The following UCK2 variants were observed in gnomAD, a reference collection of about 807,000 sequenced individuals.
UCK2 encodes the protein uridine-cytidine kinase 2.
In UCK2, 6 loss-of-function variants were observed where a neutral mutation model predicts 30.8. The ratio of observed to expected loss-of-function variants is 0.19; its 90% CI spans 0.11 to 0.38. The LOEUF is 0.38. Ranked by LOEUF, UCK2 falls within the 10% of genes least tolerant of loss-of-function variation. The pLI is 1.00. For missense variants in UCK2, 210 were observed against 339.8 expected, an observed-to-expected ratio of 0.62 and a Z score of 3.00; for synonymous variants, 125 against 133.6, an observed-to-expected ratio of 0.94 and a Z score of 0.45.
chr1:165,836,335 T>C (rs1005827570), intron 1 of UCK2, among the ~76,000 whole-genome samples: 8 of 152,214 alleles, frequency 5.3e-5, no homozygotes, highest in African/African-American at 1.9e-4. Context: ...TATTTGATGA[T>C]TCTGTGGATA....
At chr1:165,854,688 G>A (rs1402540231) in intron 1 of UCK2, among the ~76,000 whole-genome samples, 2 of 152,144 alleles carry the variant, frequency 1.3e-5, no homozygotes, top group Admixed American at 6.5e-5. Flanking sequence ...AAAAAAATCT[G>A]TATTTGACTT....
At chr1:165,857,277 T>C (rs984780749) in intron 1 of UCK2, among the ~76,000 whole-genome samples, 5 of 152,248 alleles carry the variant, frequency 3.3e-5, no homozygotes, top group African/African-American at 1.2e-4. Flanking sequence ...CACGGTCCAC[T>C]GTAGCAGTAG....
chr1:165,859,377 G>A (rs1054648724), intron 1 of UCK2, among the ~76,000 whole-genome samples: 1 of 152,104 alleles, frequency 6.6e-6, no homozygotes, highest in African/African-American at 2.4e-5. Flanking sequence ...GTCCTCCGCT[G>A]GTGTCTGAGT....
At chr1:165,839,349 G>A (rs1201083496) in intron 1 of UCK2, among the ~76,000 whole-genome samples, 2 of 152,196 alleles carry the variant, frequency 1.3e-5, no homozygotes, top group Non-Finnish European at 2.9e-5. Context: ...AGCCCTCCTT[G>A]TCTGACTACA....
chr1:165,861,590 C>T (rs10800163), intron 1 of UCK2, among the ~76,000 whole-genome samples: 118,434 of 118,670 alleles, frequency 1, 59,101 homozygotes, highest in Middle Eastern at 1. Context: ...ATCCCGCCAC[C>T]GCACTCCAGC....
rs534454307 is a variant in UCK2, at chr1:165,886,380, G to C, written c.100-3824G>C. Among the ~76,000 whole-genome samples the C allele has an allele frequency of 3.3e-5, 5 of 152,062 alleles. No individual in the cohort carries two copies. In the South Asian group the frequency reaches 1.0e-3, roughly 32 times the overall value. On this transcript the variant is annotated intron_variant, in intron 1 of 6. Coordinates refer to ENST00000367879, the MANE Select transcript of UCK2 (RefSeq NM_012474.5). ...CATGATCATGGCTCACTGCAGCCTT[G>C]ATCTCCTGGGCTCAAGCAGTCCTCC...
chr1:165,848,012 T>G (rs1479248509), intron 1 of UCK2, among the ~76,000 whole-genome samples: 1 of 151,982 alleles, frequency 6.6e-6, no homozygotes, highest in Non-Finnish European at 1.5e-5. Flanking sequence ...GAAGATTAGG[T>G]TTTAAGTGAC....
chr1:165,898,337 G>T (rs1268332426), intron 4 of UCK2, among the ~76,000 whole-genome samples: 1 of 152,180 alleles, frequency 6.6e-6, no homozygotes. Flanking sequence ...GTACTTCTGG[G>T]ATAGTTGTGA....
chr1:165,885,109 C>A, intron 1 of UCK2: 1 of 346,794 alleles, frequency 2.9e-6, no homozygotes, highest in Non-Finnish European at 5.2e-6. Context: ...TCAGTTCCCT[C>A]CCTGTCTCCC....
intron 1 of UCK2, among the ~76,000 whole-genome samples, chr1:165,859,619 T>G (rs1158564724): frequency 6.6e-6 from 1 of 152,000 alleles, no homozygotes; most frequent in Non-Finnish European, 1.5e-5. Context: ...CCCGGGAGTT[T>G]GAGAACATCC....
At chr1:165,876,542 TAAA>T (rs1414529585) in intron 1 of UCK2, among the ~76,000 whole-genome samples, 2 of 152,102 alleles carry the variant, frequency 1.3e-5, no homozygotes, top group Non-Finnish European at 2.9e-5. Flanking sequence ...TGTAAGGAGA[TAAA>T]AACAATGTAT....
intron 1 of UCK2, among the ~76,000 whole-genome samples, chr1:165,858,161 T>A (rs1314847429): frequency 2.0e-5 from 3 of 152,234 alleles, no homozygotes; most frequent in Non-Finnish European, 4.4e-5. Flanking sequence ...TTACAGCCAC[T>A]GTGCAAGATG....
chr1:165,895,992 C>T (rs765783915), intron 3 of UCK2, 198 bp from the exon 4 acceptor site: 40 of 632,408 alleles, frequency 6.3e-5, no homozygotes, highest in African/African-American at 1.3e-4. Flanking sequence ...ACCTTTGTCC[C>T]GGCCGTGATC....
intron 1 of UCK2, among the ~76,000 whole-genome samples, chr1:165,870,341 T>C (rs928470311): frequency 1.5e-4 from 23 of 151,602 alleles, no homozygotes; most frequent in African/African-American, 4.8e-4. Context: ...GGTTCTCATT[T>C]GAATGTCCAG....
chr1:165,909,649 G>C lies in UCK2; in HGVS notation c.*1826G>C, dbSNP rs1328551666. Reference sequence around the variant, plus strand: ...CCCAGTCACAGCAGCCGCCTACTTGGAGCAAGGGAAGGCTCCCAAGATGCC... The same window carrying C: ...CCCAGTCACAGCAGCCGCCTACTTGCAGCAAGGGAAGGCTCCCAAGATGCC... On this transcript the variant is annotated 3_prime_UTR_variant, in exon 7 of 7. Coordinates refer to ENST00000367879, the MANE Select transcript of UCK2 (RefSeq NM_012474.5). The C allele has an allele frequency of 1.3e-5, 2 of 152,292 alleles. No individual in the cohort carries two copies. The highest frequency in any genetic ancestry group is 2.9e-5 in the Non-Finnish European group (2 of 68,100). 9.4% of individuals were successfully genotyped at this position (152,292 alleles called of 1,614,324 possible). A position where few individuals can be genotyped will look rare whatever the true frequency, so the allele number is the denominator to read the frequency against.
At chr1:165,881,912 G>A (rs1655509523) in intron 1 of UCK2, among the ~76,000 whole-genome samples, 1 of 152,236 alleles carries the variant, frequency 6.6e-6, no homozygotes, top group Non-Finnish European at 1.5e-5. Context: ...CTGTTGATCA[G>A]CCAGAAGATC....
rs1372034916 is a variant in UCK2, at chr1:165,911,057, C to T, written c.*3234C>T. 6.6e-6 allele frequency: 1 copy of T among 152,362 alleles called. No individual in the cohort carries two copies. The highest frequency in any genetic ancestry group is 2.4e-5 in the African/African-American group (1 of 41,464). 9.4% of individuals were successfully genotyped at this position (152,362 alleles called of 1,614,324 possible). A position where few individuals can be genotyped will look rare whatever the true frequency, so the allele number is the denominator to read the frequency against. On this transcript the variant is annotated 3_prime_UTR_variant, in exon 7 of 7. Coordinates refer to ENST00000367879, the MANE Select transcript of UCK2 (RefSeq NM_012474.5). ...CAACCTTGACCTGCACTGGCCCTCACAGCTGTTGGAGGGAAGTAGCCTCTT... is the reference window on the plus strand; with the variant it reads ...CAACCTTGACCTGCACTGGCCCTCATAGCTGTTGGAGGGAAGTAGCCTCTT...
At chr1:165,867,961 A>C (rs1333648884) in intron 1 of UCK2, among the ~76,000 whole-genome samples, 4 of 152,218 alleles carry the variant, frequency 2.6e-5, no homozygotes, top group African/African-American at 9.6e-5. Context: ...GCCTTACGAA[A>C]TGTATTTCTT....
chr1:165,836,228 C>CAAAAAAAA lies in UCK2; in HGVS notation c.99+8300_99+8301insAAAAAAAA, dbSNP rs1285741977. ...GGGCGACAAGAGCAAGACTCCGTCT[C>CAAAAAAAA]AAAACAAAAAACAAAACAAAAAAAA... On this transcript the variant is annotated intron_variant, in intron 1 of 6. Transcript: ENST00000367879. 4.8e-4 allele frequency among the ~76,000 whole-genome samples: 72 copies of CAAAAAAAA among 149,580 alleles called. 1 individual carries two copies. Among genetic ancestry groups the CAAAAAAAA allele is most frequent in the African/African-American group, 1.7e-3 (68 of 39,364 alleles).
Sources: gnomAD v4.1 joint callset for allele counts (sites outside exome capture counted in the v4.1 genomes callset) on GRCh38, gnomAD v4.1.1 for gene constraint, MANE v1.5 for transcripts, NCBI Gene and HGNC (gene_info 2026-07-23, HGNC 2026-07-21) for gene names.